Variants in IFNG-AS1 observed in about 807,000 individuals in gnomAD.
The protein encoded by IFNG-AS1 is IFNG regulatory antisense RNA 1, also known as IFNG antisense RNA 1 (non-protein coding).
At chr12:67,992,500 C>T (rs773398023) in intron 1 of IFNG-AS1, among the ~76,000 whole-genome samples, 36 of 152,190 alleles carry the variant, frequency 2.4e-4, no homozygotes, top group Non-Finnish European at 3.4e-4. Context: ...TATTATATAA[C>T]TGCTCTGTCC....
intron 3 of IFNG-AS1, among the ~76,000 whole-genome samples, chr12:68,012,370 T>C (rs1305350825): frequency 6.6e-6 from 1 of 152,058 alleles, no homozygotes; most frequent in Non-Finnish European, 1.5e-5. Flanking sequence ...CTGAGTTTGG[T>C]CCATGACAGC....
intron 3 of IFNG-AS1, among the ~76,000 whole-genome samples, chr12:68,011,154 A>C (rs1394259843): frequency 6.6e-5 from 10 of 152,208 alleles, no homozygotes; most frequent in African/African-American, 2.4e-4. Flanking sequence ...AACAACAGGA[A>C]ACTGTACGAC....
chr12:68,014,786 A>G (rs1490014481), intron 3 of IFNG-AS1, among the ~76,000 whole-genome samples: 1 of 18,560 alleles, frequency 5.4e-5, no homozygotes, highest in Non-Finnish European at 5.0e-4. Flanking sequence ...AATGTCTTAC[A>G]CACACACAGA....
At chr12:68,011,012 G>A (rs182291950) in intron 3 of IFNG-AS1, among the ~76,000 whole-genome samples, 4 of 152,234 alleles carry the variant, frequency 2.6e-5, no homozygotes, top group African/African-American at 9.6e-5. Context: ...TATGAGGTAG[G>A]TTTTTAGATG....
chr12:67,996,997 A>G (rs1488166301), intron 2 of IFNG-AS1, among the ~76,000 whole-genome samples: 3 of 152,158 alleles, frequency 2.0e-5, no homozygotes, highest in Non-Finnish European at 1.5e-5. Context: ...ATAGCAGGAT[A>G]AAAACATTAC....
At chr12:68,014,181 T>C (rs191913165) in intron 3 of IFNG-AS1, among the ~76,000 whole-genome samples, 34 of 152,372 alleles carry the variant, frequency 2.2e-4, no homozygotes, top group Non-Finnish European at 4.4e-4. Context: ...TCTTTATCCA[T>C]TTGTTAATGG....
intron 3 of IFNG-AS1, among the ~76,000 whole-genome samples, chr12:68,015,453 C>G (rs1880129324): frequency 6.6e-6 from 1 of 152,088 alleles, no homozygotes; most frequent in South Asian, 2.1e-4. Flanking sequence ...GCAAGCAATC[C>G]CACCCCTCTG....
intron 1 of IFNG-AS1, among the ~76,000 whole-genome samples, chr12:67,992,044 C>G (rs1242503909): frequency 2.0e-5 from 3 of 151,056 alleles, no homozygotes; most frequent in South Asian, 4.2e-4. Context: ...AATTCTCTTC[C>G]TCTCTCTCTC....
intron 3 of IFNG-AS1, among the ~76,000 whole-genome samples, chr12:68,013,192 G>T (rs1880072868): frequency 2.6e-5 from 4 of 152,162 alleles, no homozygotes; most frequent in Admixed American, 1.3e-4. Flanking sequence ...TTAGCACTTA[G>T]GCAAACATTT....
chr12:67,993,462 G>A (rs1235460554), intron 1 of IFNG-AS1, among the ~76,000 whole-genome samples: 1 of 152,206 alleles, frequency 6.6e-6, no homozygotes, highest in Non-Finnish European at 1.5e-5. Context: ...AGCTCAGGCA[G>A]TGGAAATAAA....
In IFNG-AS1 at chr12:68,016,386, C is replaced by T. The variant is rs1211023955; in HGVS notation, n.242-3476C>T. On this transcript the variant is annotated intron_variant and non_coding_transcript_variant, in intron 3 of 5. Coordinates refer to ENST00000536914, the Ensembl canonical transcript of IFNG-AS1. ...TGATGGTAGTGGTTTTAATAAGTCA[C>T]CCACCACCATGATTCCCCTGTACAC... 2.0e-5 allele frequency among the ~76,000 whole-genome samples: 3 copies of T among 152,106 alleles called. No homozygotes were observed. In the East Asian group the frequency reaches 5.8e-4, roughly 29 times the overall value.
At chr12:68,003,711 G>A (rs1053722658) in intron 2 of IFNG-AS1, among the ~76,000 whole-genome samples, 7 of 152,164 alleles carry the variant, frequency 4.6e-5, no homozygotes, top group East Asian at 3.9e-4. Flanking sequence ...TCAGGAGATC[G>A]AGACCATCTT....
At position 67,995,419 on chromosome 12, in the gene IFNG-AS1, C is replaced by CAA. The variant is rs34141511; in HGVS notation, n.52-503_52-502dup. On this transcript the variant is annotated intron_variant and non_coding_transcript_variant, in intron 1 of 5. Transcript: ENST00000536914. ...CTGGTGACAGAGTGAGACTCCATTT[C>CAA]AAAAAAAAAAAAAAAAAAAAGGGCC... 9.3e-3 allele frequency among the ~76,000 whole-genome samples: 732 copies of CAA among 78,538 alleles called. 17 individuals are homozygous for CAA. The highest frequency in any genetic ancestry group is 0.048 in the Middle Eastern group (3 of 62). The allele number at this position is 78,538 out of a possible 152,430, so 51.5% of individuals were successfully genotyped here.
At chr12:68,014,867 T>C (rs573852559) in intron 3 of IFNG-AS1, among the ~76,000 whole-genome samples, 53 of 152,234 alleles carry the variant, frequency 3.5e-4, no homozygotes, top group African/African-American at 1.2e-3. Context: ...ATTAAGTTAA[T>C]GTAAATTTGG....
chr12:68,001,413 T>G (rs1318202659), intron 2 of IFNG-AS1: 2 of 216,338 alleles, frequency 9.2e-6, no homozygotes. Flanking sequence ...CAGCTGAGTC[T>G]TCTCCAATGT....
At chr12:68,013,304 G>A (rs1023191280) in intron 3 of IFNG-AS1, among the ~76,000 whole-genome samples, 3 of 152,210 alleles carry the variant, frequency 2.0e-5, no homozygotes, top group African/African-American at 7.2e-5. Flanking sequence ...GGTTGGGGCT[G>A]CAAGGTGAAG....
At position 67,996,395 on chromosome 12, in the gene IFNG-AS1, C is replaced by CAT. The variant is rs1565686776; in HGVS notation, n.184+324_184+325dup. 2.0e-5 allele frequency among the ~76,000 whole-genome samples: 3 copies of CAT among 152,310 alleles called. No individual in the cohort carries two copies. In the East Asian group the frequency reaches 5.8e-4, roughly 29 times the overall value. ...CTAACTAGTTTCATTCTTAAAAGATCATACTTGTTGTATAGTGAGAACAAA... is the reference window on the plus strand; with the variant it reads ...CTAACTAGTTTCATTCTTAAAAGATCATATACTTGTTGTATAGTGAGAACAAA... On this transcript the variant is annotated intron_variant and non_coding_transcript_variant, in intron 2 of 5. Transcript: ENST00000536914.
chr12:68,011,271 G>A (rs1376782153), intron 3 of IFNG-AS1, among the ~76,000 whole-genome samples: 1 of 152,138 alleles, frequency 6.6e-6, no homozygotes, highest in African/African-American at 2.4e-5. Flanking sequence ...AATCGAGTAA[G>A]GTAAACTTAA....
intron 3 of IFNG-AS1, among the ~76,000 whole-genome samples, chr12:68,012,173 CT>C (rs763764221): frequency 3.9e-5 from 6 of 152,006 alleles, no homozygotes; most frequent in Non-Finnish European, 8.8e-5. Context: ...TTTGTTTTTT[CT>C]TTCCTTTTAA....
Sources: gnomAD v4.1 joint callset for allele counts (sites outside exome capture counted in the v4.1 genomes callset) on GRCh38, gnomAD v4.1.1 for gene constraint, MANE v1.5 for transcripts, NCBI Gene and HGNC (gene_info 2026-07-23, HGNC 2026-07-21) for gene names.